The following NEK9 variants were observed in gnomAD, a reference collection of about 807,000 sequenced individuals.
NEK9 encodes the protein NIMA related kinase 9.
NEK9 carries 75 observed loss-of-function variants against 123.4 expected under a neutral mutation model. The ratio of observed to expected loss-of-function variants is 0.61; its 90% CI spans 0.50 to 0.74. The LOEUF (loss-of-function observed/expected upper bound fraction) is 0.74, where lower values mean the gene tolerates loss of function less well. Ranked by LOEUF, NEK9 falls within the 30% of genes least tolerant of loss-of-function variation. The pLI is 0.00. For missense variants in NEK9, 952 were observed against 1,214.4 expected (o/e 0.78, Z 3.21); for synonymous variants, 438 against 458.7 (o/e 0.95, Z 0.58).
intron 21 of NEK9, 43 bp from the exon 22 acceptor site, chr14:75,084,729 C>T (rs1332642388): frequency 3.0e-5 from 49 of 1,612,978 alleles, no homozygotes; most frequent in Non-Finnish European, 4.2e-5. Flanking sequence ...ACAGTGCCAC[C>T]TAGTCACAGA....
At position 75,097,219 on chromosome 14, in the gene NEK9, G is replaced by A. The variant is rs772619722; in HGVS notation, c.2054C>T (p.Thr685Ile). ...GNGGNGRLAM[T>I]PTERPHGSDI... is the part of the protein sequence containing the mutation. ...AGAGCCATGTGGTCTCTCTGTGGGGGTCATTGCCAGGCGGCCATTACCACC... is the reference window on the plus strand; with the variant it reads ...AGAGCCATGTGGTCTCTCTGTGGGGATCATTGCCAGGCGGCCATTACCACC... Residue 685 changes from threonine to isoleucine, a missense_variant, in exon 17 of 22, where the codon ACC becomes ATC. Transcript: ENST00000238616. The A allele has an allele frequency of 6.2e-7, 1 of 1,610,300 alleles. No individual in the cohort carries two copies. The highest frequency in any genetic ancestry group is 8.5e-7 in the Non-Finnish European group (1 of 1,178,170).
intron 19 of NEK9, among the ~76,000 whole-genome samples, chr14:75,091,059 T>C (rs1207854515): frequency 6.6e-6 from 1 of 152,148 alleles, no homozygotes; most frequent in Non-Finnish European, 1.5e-5. Flanking sequence ...TTCACTTAAG[T>C]AACAAGGGTA....
rs2071874149 is a variant in NEK9, at chr14:75,097,134, C to T, written c.2139G>A (p.Leu713=). The T allele has an allele frequency of 1.2e-6, 2 of 1,611,870 alleles. No individual in the cohort carries two copies. Among genetic ancestry groups the T allele is most frequent in the Non-Finnish European group, 1.7e-6 (2 of 1,178,856 alleles). ...GAATGGTATGCCATCCACGGCAAGA[C>T]AGGTCCGGGACATGATGCAGAGATC... ...IFGSLHHVPD[L]SCRGWHTILI... The change falls in exon 17 of 22, where the codon CTG becomes CTA. Residue 713 remains leucine (L), a synonymous_variant. Coordinates refer to ENST00000238616, the MANE Select transcript of NEK9 (RefSeq NM_033116.6).
chr14:75,096,504 T>C (rs1385525355), intron 17 of NEK9, among the ~76,000 whole-genome samples: 1 of 152,044 alleles, frequency 6.6e-6, no homozygotes, highest in East Asian at 1.9e-4. Context: ...AACAAATTAA[T>C]TGGTGGATGA....
intron 16 of NEK9, among the ~76,000 whole-genome samples, chr14:75,099,265 C>T (rs1420098772): frequency 6.6e-6 from 1 of 151,814 alleles, no homozygotes; most frequent in Non-Finnish European, 1.5e-5. Context: ...GTGGAGGCTG[C>T]ACTGAGCCGA....
At chr14:75,113,465 A>T in intron 7 of NEK9, 62 bp from the exon 8 acceptor site, 1 of 1,203,120 alleles carries the variant, frequency 8.3e-7, no homozygotes, top group Non-Finnish European at 1.2e-6. Flanking sequence ...GGATCTAAAG[A>T]TGTTAATTAG....
intron 4 of NEK9, 56 bp downstream of exon 4, chr14:75,120,454 C>A: frequency 8.0e-7 from 1 of 1,254,214 alleles, no homozygotes; most frequent in Non-Finnish European, 1.2e-6. Flanking sequence ...GGGGTATCCA[C>A]GGTAGGGGCT....
intron 18 of NEK9, among the ~76,000 whole-genome samples, chr14:75,094,922 A>C (rs1440880995): frequency 6.6e-6 from 1 of 152,242 alleles, no homozygotes; most frequent in Non-Finnish European, 1.5e-5. Flanking sequence ...CCATGAAGAC[A>C]GCAGTCAAAG....
rs1893923252 is a variant in NEK9, at chr14:75,083,370, A to G, written c.*1194T>C. On this transcript the variant is annotated 3_prime_UTR_variant, in exon 22 of 22. Coordinates refer to ENST00000238616, the MANE Select transcript of NEK9 (RefSeq NM_033116.6). ...TGGTAAAGCTAGCTTGTTTCTATCT[A>G]CAAAGACACAGTGAGTACAGGATTA... 6.5e-6 allele frequency: 2 copies of G among 307,128 alleles called. No individual in the cohort carries two copies. Among genetic ancestry groups the G allele is most frequent in the African/African-American group, 4.3e-5 (2 of 46,734 alleles). 19.0% of individuals were successfully genotyped at this position (307,128 alleles called of 1,614,324 possible).
chr14:75,112,208 A>G (rs1389726808), intron 8 of NEK9, among the ~76,000 whole-genome samples: 1 of 152,260 alleles, frequency 6.6e-6, no homozygotes, highest in African/African-American at 2.4e-5. Context: ...ACTTGAAAAG[A>G]GCATTGTATG....
At chr14:75,117,905 G>T (rs1236546849) in intron 5 of NEK9, among the ~76,000 whole-genome samples, 1 of 152,192 alleles carries the variant, frequency 6.6e-6, no homozygotes, top group Non-Finnish European at 1.5e-5. Flanking sequence ...GAGATATAAT[G>T]AATGCCCTAG....
upstream of NEK9, chr14:75,127,076 T>A: frequency 1.7e-6 from 1 of 581,408 alleles, no homozygotes; most frequent in Admixed American, 4.1e-5. Context: ...CCGGAAACAG[T>A]TCTCTGTGTT....
chr14:75,097,885 A>AC (rs1894440767), intron 16 of NEK9, among the ~76,000 whole-genome samples: 1 of 152,022 alleles, frequency 6.6e-6, no homozygotes, highest in Admixed American at 6.6e-5. Flanking sequence ...GAACAAGGAG[A>AC]CCCCTGCAGC....
intron 17 of NEK9, among the ~76,000 whole-genome samples, chr14:75,096,432 ATAATT>A (rs1011753287): frequency 6.6e-6 from 1 of 152,240 alleles, no homozygotes; most frequent in African/African-American, 2.4e-5. Flanking sequence ...GAAAGTGCTT[ATAATT>A]TAAAGTTTCT....
At position 75,087,133 on chromosome 14, in the gene NEK9, C is replaced by T. The variant is rs763348616; in HGVS notation, c.2702G>A (p.Arg901Lys). 2 of 1,614,226 alleles carry T rather than the reference C, an allele frequency of 1.2e-6. No individual in the cohort carries two copies. The highest frequency in any genetic ancestry group is 4.5e-5 in the East Asian group (2 of 44,888). The change falls in exon 21 of 22, where the codon AGA becomes AAA. Residue 901 changes from arginine to lysine, a missense_variant. Transcript: ENST00000238616. ...ACACTTTAACACCAGACCCTGCAATCTCTCAACCTCCACCTGCAGAGAGCT... is the reference window on the plus strand; with the variant it reads ...ACACTTTAACACCAGACCCTGCAATTTCTCAACCTCCACCTGCAGAGAGCT... ...ACSSLQVEVE[R>K]LQGLVLKCLA...
rs1895444807 is a variant in NEK9 at position 75,124,342 on chromosome 14, A to AT, written c.220-120dup. On this transcript the variant is annotated intron_variant, in intron 1 of 21. Transcript: ENST00000238616. ...AGAGGGGCACAGACTGACTCCTCTT[A>AT]TTTTTTCCTTTTAACAGACTTTAAA... 7 of 781,992 alleles carry AT rather than the reference A, an allele frequency of 9.0e-6. No homozygotes were observed. The South Asian group carries it at 1.4e-4, about 15-fold the overall frequency. The allele number at this position is 781,992 out of a possible 1,614,324, so 48.4% of individuals were successfully genotyped here.
At chr14:75,107,661 C>T (rs776273165) in intron 10 of NEK9, among the ~76,000 whole-genome samples, 174 bp from the exon 11 acceptor site, 1 of 151,980 alleles carries the variant, frequency 6.6e-6, no homozygotes, top group Non-Finnish European at 1.5e-5. Flanking sequence ...GAACCACCAT[C>T]CCCGGCTGAG....
intron 17 of NEK9, among the ~76,000 whole-genome samples, 153 bp from the exon 18 acceptor site, chr14:75,095,584 C>T (rs1894356332): frequency 6.6e-6 from 1 of 152,224 alleles, no homozygotes; most frequent in Admixed American, 6.5e-5. Flanking sequence ...ATAAGCTAAG[C>T]ACCACTTGCT....
chr14:75,087,509 T>C (rs540162661), intron 20 of NEK9, among the ~76,000 whole-genome samples: 140 of 152,284 alleles, frequency 9.2e-4, no homozygotes, highest in African/African-American at 3.1e-3. Context: ...TTAAAGCACC[T>C]TGGTATCTTC....
Sources: allele counts gnomAD v4.1 joint callset (sites outside exome capture counted in the v4.1 genomes callset), GRCh38; gene constraint gnomAD v4.1.1; transcripts MANE v1.5; gene names NCBI Gene and HGNC (gene_info 2026-07-23, HGNC 2026-07-21).